SLC36A1: variants seen among roughly 807,000 people sequenced by gnomAD.
SLC36A1 encodes solute carrier family 36 member 1, also known as proton-coupled amino acid transporter 1.
A neutral mutation model predicts 47.5 loss-of-function variants in SLC36A1; 30 were observed. That is an observed-to-expected ratio of 0.63 (90% confidence interval 0.47 to 0.86). The LOEUF (loss-of-function observed/expected upper bound fraction) is 0.86, where lower values mean the gene tolerates loss of function less well. Among genes scored for constraint, SLC36A1 ranks in the 40% least tolerant of loss-of-function variants. The pLI is 0.00. For synonymous variants in SLC36A1, 255 were observed against 249.7 expected, an observed-to-expected ratio of 1.02 and a Z score of -0.20; for missense variants, 517 against 606.0, an observed-to-expected ratio of 0.85 and a Z score of 1.54.
the SLC36A1 span, chr5:151,527,867 A>C: frequency 2.4e-6 from 3 of 1,252,644 alleles, no homozygotes; most frequent in Non-Finnish European, 3.3e-6. Flanking sequence ...AAAACAAGTG[A>C]GAGACATTCT....
At chr5:151,426,938 A>C in the SLC36A1 span, among the ~76,000 whole-genome samples, 1 of 152,218 alleles carries the variant, frequency 6.6e-6, no homozygotes, top group Non-Finnish European at 1.5e-5. Context: ...AACAAAGCAC[A>C]TCCTGCACAG....
the SLC36A1 span, chr5:151,532,070 C>G: frequency 8.8e-6 from 13 of 1,474,094 alleles, no homozygotes; most frequent in African/African-American, 1.7e-4. Flanking sequence ...GGAGGGGCTC[C>G]CATGAAGGCG....
At chr5:151,381,065 G>A in the SLC36A1 span, 3 of 447,306 alleles carry the variant, frequency 6.7e-6, no homozygotes, top group Non-Finnish European at 4.3e-6. Context: ...GAAGCAGCTA[G>A]CCTTGAGGCA....
chr5:151,527,271 G>A, the SLC36A1 span: 9 of 1,613,080 alleles, frequency 5.6e-6, no homozygotes, highest in South Asian at 3.3e-5. Context: ...GAAGAATCTC[G>A]GTGGGTTATC....
the SLC36A1 span, among the ~76,000 whole-genome samples, chr5:151,396,704 G>T: frequency 3.9e-5 from 6 of 152,070 alleles, no homozygotes; most frequent in African/African-American, 7.2e-5. Flanking sequence ...GCATTTCCAA[G>T]GGGAAGATAA....
the SLC36A1 span, among the ~76,000 whole-genome samples, chr5:151,549,923 G>A: frequency 3.9e-4 from 59 of 152,296 alleles, no homozygotes; most frequent in African/African-American, 1.1e-3. Context: ...CCTTGAATAC[G>A]TATTATATGC....
chr5:151,540,147 A>G, the SLC36A1 span, among the ~76,000 whole-genome samples: 1 of 152,210 alleles, frequency 6.6e-6, no homozygotes, highest in African/African-American at 2.4e-5. Context: ...TGTTCTGCAG[A>G]GAAATAGACC....
At chr5:151,370,359 T>C in the SLC36A1 span, among the ~76,000 whole-genome samples, 1 of 152,190 alleles carries the variant, frequency 6.6e-6, no homozygotes, top group Non-Finnish European at 1.5e-5. Flanking sequence ...TTGTTGTATA[T>C]GCTTAATGAA....
the SLC36A1 span, among the ~76,000 whole-genome samples, chr5:151,410,120 G>A: frequency 1.3e-5 from 2 of 152,176 alleles, no homozygotes; most frequent in Non-Finnish European, 2.9e-5. Flanking sequence ...AGTTTGAAAT[G>A]GTGGAGCTGT....
chr5:151,385,037 T>TGTGTGTGTGAGA, the SLC36A1 span, among the ~76,000 whole-genome samples: 11 of 142,114 alleles, frequency 7.7e-5, no homozygotes, highest in African/African-American at 2.8e-4. Context: ...TGTGTGTGTG[T>TGTGTGTGTGAGA]GAGAGAGAGA....
the SLC36A1 span, among the ~76,000 whole-genome samples, chr5:151,387,393 A>G: frequency 6.6e-6 from 1 of 152,234 alleles, no homozygotes; most frequent in East Asian, 1.9e-4. Flanking sequence ...GCTAGAGAAC[A>G]TAGCAAGGTG....
At chr5:151,455,839 C>G (rs998083878) in intron 1 of SLC36A1, among the ~76,000 whole-genome samples, 4 of 152,168 alleles carry the variant, frequency 2.6e-5, no homozygotes, top group East Asian at 1.9e-4. Flanking sequence ...AGTGACTTGA[C>G]AGGAATTCTC....
chr5:151,545,221 T>C, the SLC36A1 span: 1 of 1,614,158 alleles, frequency 6.2e-7, no homozygotes. Flanking sequence ...GACATCCTGA[T>C]CAAACTGCAA....
At chr5:151,412,974 C>T in the SLC36A1 span, among the ~76,000 whole-genome samples, 2 of 144,298 alleles carry the variant, frequency 1.4e-5, 1 homozygote, top group Non-Finnish European at 3.1e-5. Flanking sequence ...CTTATAGCAC[C>T]AGTCCATTGC....
chr5:151,481,082 A>C (rs1758731464), intron 10 of SLC36A1, among the ~76,000 whole-genome samples: 1 of 152,076 alleles, frequency 6.6e-6, no homozygotes, highest in Admixed American at 6.6e-5. Context: ...TTTCTGCAGC[A>C]CCCTGCAGGA....
At chr5:151,424,993 T>C in the SLC36A1 span, among the ~76,000 whole-genome samples, 4,968 of 152,238 alleles carry the variant, frequency 0.033, 249 homozygotes, top group African/African-American at 0.11. Flanking sequence ...AAAGGATACC[T>C]CAACAAAGCT....
At chr5:151,415,998 T>C in the SLC36A1 span, among the ~76,000 whole-genome samples, 479 of 152,218 alleles carry the variant, frequency 3.1e-3, 2 homozygotes, top group African/African-American at 0.011. Flanking sequence ...TCCCAGCTAC[T>C]GGGGAGCTGA....
the SLC36A1 span, among the ~76,000 whole-genome samples, chr5:151,388,328 C>G: frequency 6.6e-6 from 1 of 151,988 alleles, no homozygotes; most frequent in East Asian, 1.9e-4. Flanking sequence ...ATGGAAAAAC[C>G]CCCTCTCTAC....
intron 1 of SLC36A1, among the ~76,000 whole-genome samples, chr5:151,449,549 C>T (rs1753301033): frequency 6.6e-6 from 1 of 152,166 alleles, no homozygotes; most frequent in African/African-American, 2.4e-5. Flanking sequence ...CATTCAGCCT[C>T]CTCTTGTGGC....
Sources: allele counts gnomAD v4.1 joint callset (sites outside exome capture counted in the v4.1 genomes callset), GRCh38; gene constraint gnomAD v4.1.1; transcripts MANE v1.5; gene names NCBI Gene and HGNC (gene_info 2026-07-23, HGNC 2026-07-21).